The following MARCHF3 variants were observed in gnomAD, a reference collection of about 807,000 sequenced individuals.
MARCHF3 encodes the protein membrane associated ring-CH-type finger 3.
A neutral mutation model predicts 24.2 loss-of-function variants in MARCHF3; 13 were observed. The ratio of observed to expected loss-of-function variants is 0.54; its 90% CI spans 0.35 to 0.85. The LOEUF (loss-of-function observed/expected upper bound fraction) is 0.85. Ranked by LOEUF, MARCHF3 falls within the 40% of genes least tolerant of loss-of-function variation. The pLI, the probability that MARCHF3 is intolerant of heterozygous loss-of-function variation, is 0.01. For synonymous variants in MARCHF3, 144 were observed against 137.3 expected (o/e 1.05, Z -0.34); for missense variants, 276 against 325.0 (o/e 0.85, Z 1.16).
At chr5:127,027,537 G>C (rs951233761) in intron 1 of MARCHF3, among the ~76,000 whole-genome samples, 1 of 152,108 alleles carries the variant, frequency 6.6e-6, no homozygotes, top group African/African-American at 2.4e-5. Flanking sequence ...AACTCAGAGT[G>C]GGGGGTGAAG....
chr5:126,932,647 GC>G (rs1440896065), intron 1 of MARCHF3, among the ~76,000 whole-genome samples: 6 of 152,198 alleles, frequency 3.9e-5, no homozygotes, highest in African/African-American at 4.8e-5. Context: ...GGTGAAGTAT[GC>G]AGAGAATATT....
chr5:126,898,994 A>G (rs545517231), intron 3 of MARCHF3: 3 of 984,992 alleles, frequency 3.0e-6, no homozygotes, highest in African/African-American at 3.5e-5. Flanking sequence ...TCAAAAGCAT[A>G]TTATTTCTCT....
chr5:126,902,977 G>T (rs1454601768), intron 3 of MARCHF3, among the ~76,000 whole-genome samples: 1 of 152,064 alleles, frequency 6.6e-6, no homozygotes, highest in Non-Finnish European at 1.5e-5. Flanking sequence ...TCAGGCACAA[G>T]ATGTTATAAT....
At chr5:126,982,042 T>C (rs1751412698) in intron 1 of MARCHF3, among the ~76,000 whole-genome samples, 1 of 152,238 alleles carries the variant, frequency 6.6e-6, no homozygotes, top group South Asian at 2.1e-4. Flanking sequence ...AGCTTCAGAT[T>C]ACCTCAGACT....
intron 1 of MARCHF3, among the ~76,000 whole-genome samples, chr5:126,971,059 G>C (rs1750992940): frequency 6.6e-6 from 1 of 152,150 alleles, no homozygotes; most frequent in East Asian, 1.9e-4. Flanking sequence ...AAATCTGACA[G>C]TCTGGCCATA....
chr5:126,921,573 T>C (rs765037341), intron 1 of MARCHF3, among the ~76,000 whole-genome samples: 2 of 152,238 alleles, frequency 1.3e-5, no homozygotes, highest in African/African-American at 4.8e-5. Context: ...GCTGAGCTGT[T>C]GGTTTGCAGT....
intron 3 of MARCHF3, among the ~76,000 whole-genome samples, chr5:126,911,815 G>A (rs554239466): frequency 6.6e-5 from 10 of 152,338 alleles, no homozygotes; most frequent in African/African-American, 2.2e-4. Context: ...TAGGTAGAGA[G>A]GTAAGTAGAC....
intron 1 of MARCHF3, among the ~76,000 whole-genome samples, chr5:127,029,503 A>AG (rs1302361843): frequency 2.0e-5 from 3 of 152,180 alleles, no homozygotes; most frequent in African/African-American, 7.2e-5. Flanking sequence ...CTTACCATTA[A>AG]GGGGGGAAAA....
chr5:126,980,694 C>A (rs1406905032), intron 1 of MARCHF3, among the ~76,000 whole-genome samples: 1 of 152,128 alleles, frequency 6.6e-6, no homozygotes, highest in Non-Finnish European at 1.5e-5. Context: ...AACCCCAGCA[C>A]AGGCCAAATA....
In MARCHF3 at chr5:126,870,020, A is replaced by T. The variant is rs1752912272; in HGVS notation, c.*613T>A. Reference sequence around the variant, plus strand: ...GTGAGCTCACGCCCTTTTTCCCTTTAAAAACTGAATAATTAAATGAAGTTT... The same window carrying T: ...GTGAGCTCACGCCCTTTTTCCCTTTTAAAACTGAATAATTAAATGAAGTTT... On this transcript the variant is annotated 3_prime_UTR_variant, in exon 5 of 5. Transcript: ENST00000308660. 2 of 152,470 alleles carry T rather than the reference A, an allele frequency of 1.3e-5. No homozygotes were observed. Among genetic ancestry groups the T allele is most frequent in the African/African-American group, 4.8e-5 (2 of 41,348 alleles). The allele number at this position is 152,470 out of a possible 1,614,324, so 9.4% of individuals were successfully genotyped here.
chr5:126,945,924 C>A (rs1395707066), intron 1 of MARCHF3, among the ~76,000 whole-genome samples: 2 of 152,208 alleles, frequency 1.3e-5, no homozygotes, highest in East Asian at 3.8e-4. Flanking sequence ...CAGCTAACCA[C>A]AGAGCAGATG....
chr5:126,872,487 G>T (rs1753007031), intron 4 of MARCHF3, among the ~76,000 whole-genome samples: 1 of 152,186 alleles, frequency 6.6e-6, no homozygotes, highest in South Asian at 2.1e-4. Flanking sequence ...GTAGGTAAGT[G>T]CTGGAAAGGA....
intron 1 of MARCHF3, among the ~76,000 whole-genome samples, chr5:126,987,522 C>T (rs73786267): frequency 0.052 from 7,848 of 152,232 alleles, 377 homozygotes; most frequent in South Asian, 0.13. Context: ...CCCACGACTG[C>T]GTGAGCCAAT....
intron 1 of MARCHF3, among the ~76,000 whole-genome samples, chr5:126,975,706 C>A (rs73786252): frequency 0.052 from 7,848 of 152,228 alleles, 375 homozygotes; most frequent in South Asian, 0.14. Context: ...GGCAACCCAC[C>A]TGAAGGGCAG....
At chr5:126,978,686 A>C (rs1220182345) in intron 1 of MARCHF3, among the ~76,000 whole-genome samples, 1 of 152,214 alleles carries the variant, frequency 6.6e-6, no homozygotes, top group Non-Finnish European at 1.5e-5. Context: ...ACCTCTATGC[A>C]ACTCGGCTTT....
intron 1 of MARCHF3, among the ~76,000 whole-genome samples, chr5:126,966,277 G>A (rs1352560606): frequency 6.6e-6 from 1 of 152,078 alleles, no homozygotes; most frequent in East Asian, 1.9e-4. Context: ...TTACGCAGGT[G>A]TATACATTTG....
chr5:126,946,903 T>C (rs1159060796), intron 1 of MARCHF3, among the ~76,000 whole-genome samples: 1 of 151,986 alleles, frequency 6.6e-6, no homozygotes, highest in African/African-American at 2.4e-5. Context: ...GCCCAACCAA[T>C]TGGCACATGA....
At chr5:127,012,454 G>A (rs1330125766) in intron 1 of MARCHF3, among the ~76,000 whole-genome samples, 1 of 152,094 alleles carries the variant, frequency 6.6e-6, no homozygotes, top group East Asian at 1.9e-4. Context: ...TTGAAGAACT[G>A]GCTACAAATG....
intron 1 of MARCHF3, among the ~76,000 whole-genome samples, chr5:126,978,942 T>A (rs1420518479): frequency 6.6e-6 from 1 of 152,198 alleles, no homozygotes; most frequent in Non-Finnish European, 1.5e-5. Flanking sequence ...AAGACTCCAC[T>A]CCAGATGTCA....
Sources: gnomAD v4.1 joint callset for allele counts (sites outside exome capture counted in the v4.1 genomes callset) on GRCh38, gnomAD v4.1.1 for gene constraint, MANE v1.5 for transcripts, NCBI Gene and HGNC (gene_info 2026-07-23, HGNC 2026-07-21) for gene names.